The following RBFOX1 variants were observed in gnomAD, a reference collection of about 807,000 sequenced individuals.
RBFOX1 encodes the protein RNA binding fox-1 homolog 1.
A neutral mutation model predicts 57.7 loss-of-function variants in RBFOX1; 8 were observed. The ratio of observed to expected loss-of-function variants is 0.14; its 90% CI spans 0.08 to 0.25. The LOEUF (loss-of-function observed/expected upper bound fraction) is 0.25, where lower values mean the gene tolerates loss of function less well. RBFOX1 is among the 10% of genes least tolerant of loss of function. RBFOX1 has a pLI of 1.00. For synonymous variants in RBFOX1, 326 were observed against 222.4 expected (o/e 1.47, Z -4.15); for missense variants, 611 against 548.5 (o/e 1.11, Z -1.14).
chr16:6,187,183 C>CA (rs2152802937), intron 1 of RBFOX1, among the ~76,000 whole-genome samples: 1 of 152,158 alleles, frequency 6.6e-6, no homozygotes, highest in East Asian at 1.9e-4. Flanking sequence ...CTGATGCTTT[C>CA]ATGGGGGAAA....
At chr16:7,698,513 C>G (rs183316777) in intron 14 of RBFOX1, among the ~76,000 whole-genome samples, 2 of 152,010 alleles carry the variant, frequency 1.3e-5, no homozygotes, top group African/African-American at 2.4e-5. Flanking sequence ...TTTCATTTTT[C>G]TATCCCCACT....
intron 3 of RBFOX1, among the ~76,000 whole-genome samples, chr16:6,903,281 G>T (rs553401250): frequency 1.3e-5 from 2 of 152,172 alleles, no homozygotes; most frequent in African/African-American, 4.8e-5. Flanking sequence ...ATATGGCCAG[G>T]AGGGCTGACC....
chr16:5,704,926 C>G (rs2051187104), intron 3 of RBFOX1, among the ~76,000 whole-genome samples: 1 of 152,076 alleles, frequency 6.6e-6, no homozygotes, highest in Non-Finnish European at 1.5e-5. Context: ...CTCCTTCAAC[C>G]AAAAAGTCAT....
rs537942818 is a variant in RBFOX1, at chr16:7,151,037, G to A, written c.27+98939G>A. Among the ~76,000 whole-genome samples, 249 of 152,212 alleles carry A rather than the reference G, an allele frequency of 1.6e-3. 1 individual carries two copies. The highest frequency in any genetic ancestry group is 5.7e-3 in the African/African-American group (238 of 41,548). On this transcript the variant is annotated intron_variant, in intron 4 of 15. Coordinates refer to ENST00000550418, the MANE Select transcript of RBFOX1 (RefSeq NM_018723.4). The stretch of plus-strand genomic sequence containing the variant: ...CGCTCCTTTCCAAAATTATTTTTGT[G>A]GTAGCACAGAAGTTCTCTCCCTCAA...
At chr16:5,246,180 T>G (rs2062294923) in intron 1 of RBFOX1, among the ~76,000 whole-genome samples, 1 of 152,162 alleles carries the variant, frequency 6.6e-6, no homozygotes, top group Non-Finnish European at 1.5e-5. Context: ...AGACAGAGGT[T>G]GCAGTCAGCC....
chr16:5,710,863 C>G (rs774540985), intron 3 of RBFOX1, among the ~76,000 whole-genome samples: 2 of 152,106 alleles, frequency 1.3e-5, no homozygotes, highest in Non-Finnish European at 2.9e-5. Flanking sequence ...CCTGGGGGAG[C>G]CAGAAAGGGA....
In RBFOX1 at chr16:6,930,653, G is replaced by A. The variant is rs13336027; in HGVS notation, c.-15-121404G>A. ...TTGAGCTCCTCACCTTAGGTGATCC[G>A]CCTGCCTTGGCCTCCCAAGTTGCTG... On this transcript the variant is annotated intron_variant, in intron 3 of 15. Transcript: ENST00000550418. Among the ~76,000 whole-genome samples the A allele has an allele frequency of 2.8e-4, 43 of 151,948 alleles. No homozygotes were observed. In the South Asian group the frequency reaches 3.3e-3, roughly 12 times the overall value.
At chr16:7,061,930 G>T (rs573188428) in intron 4 of RBFOX1, among the ~76,000 whole-genome samples, 1 of 152,064 alleles carries the variant, frequency 6.6e-6, no homozygotes, top group Admixed American at 6.6e-5. Context: ...CCTCCAGTTG[G>T]GGGTAGGAAG....
chr16:5,585,221 G>A (rs1261336858), intron 2 of RBFOX1, among the ~76,000 whole-genome samples: 2 of 152,098 alleles, frequency 1.3e-5, no homozygotes, highest in African/African-American at 4.8e-5. Context: ...GTCTCTACAG[G>A]ATTGCGTTTT....
intron 1 of RBFOX1, among the ~76,000 whole-genome samples, chr16:6,026,207 A>T (rs2095190811): frequency 6.6e-6 from 1 of 152,318 alleles, no homozygotes; most frequent in Middle Eastern, 3.4e-3. Flanking sequence ...ACTCCACTCC[A>T]TGGTCAACTG....
chr16:6,584,579 G>A (rs1460131392), intron 2 of RBFOX1, among the ~76,000 whole-genome samples: 1 of 151,896 alleles, frequency 6.6e-6, no homozygotes, highest in Non-Finnish European at 1.5e-5. Flanking sequence ...ATGTTGACCA[G>A]GCTGGTCTCA....
chr16:7,400,561 C>G (rs1310371774), intron 4 of RBFOX1, among the ~76,000 whole-genome samples: 1 of 152,134 alleles, frequency 6.6e-6, no homozygotes, highest in Non-Finnish European at 1.5e-5. Context: ...TTCAAGAACA[C>G]AGTTTGTATT....
At chr16:6,949,281 C>T (rs1014316404) in intron 3 of RBFOX1, among the ~76,000 whole-genome samples, 2 of 152,100 alleles carry the variant, frequency 1.3e-5, no homozygotes, top group Non-Finnish European at 2.9e-5. Context: ...CAAAACAAAC[C>T]CATAAAGGGA....
At chr16:7,661,251 T>C (rs1209976095) in intron 12 of RBFOX1, among the ~76,000 whole-genome samples, 2 of 152,342 alleles carry the variant, frequency 1.3e-5, no homozygotes, top group South Asian at 2.1e-4. Flanking sequence ...CTCCAATACA[T>C]GTGCACTTTG....
Position 7,667,686 on chromosome 16 carries a change from A to G in RBFOX1, c.930+2718A>G, listed in dbSNP as rs377482240. On this transcript the variant is annotated intron_variant, in intron 13 of 15. Coordinates refer to ENST00000550418, the MANE Select transcript of RBFOX1 (RefSeq NM_018723.4). ...GAATAGATTTAAACCTCTTTTTGTT[A>G]TTATTATATTTTTTGAGACAGACTC... 1.8e-4 allele frequency among the ~76,000 whole-genome samples: 27 copies of G among 148,914 alleles called. 1 individual carries two copies. In the South Asian group the frequency reaches 3.9e-3, roughly 21 times the overall value.
chr16:5,360,722 T>G (rs1254157298), intron 1 of RBFOX1, among the ~76,000 whole-genome samples: 2 of 152,212 alleles, frequency 1.3e-5, no homozygotes, highest in African/African-American at 4.8e-5. Context: ...AAGGAAAGGC[T>G]AGAGATCTCG....
chr16:7,054,476 C>T (rs1022456488), intron 4 of RBFOX1, among the ~76,000 whole-genome samples: 81 of 148,358 alleles, frequency 5.5e-4, no homozygotes, highest in African/African-American at 1.7e-3. Flanking sequence ...CTCCTGACCT[C>T]GTGATCCGCC....
intron 3 of RBFOX1, among the ~76,000 whole-genome samples, chr16:7,048,600 G>A (rs925639172): frequency 6.6e-6 from 1 of 152,130 alleles, no homozygotes; most frequent in South Asian, 2.1e-4. Flanking sequence ...TGCTAATGCT[G>A]TCAATTTTTT....
intron 3 of RBFOX1, among the ~76,000 whole-genome samples, chr16:6,809,211 T>C (rs1462034459): frequency 1.3e-5 from 2 of 152,242 alleles, no homozygotes; most frequent in Non-Finnish European, 2.9e-5. Flanking sequence ...CCACCTTGGC[T>C]ACGCTGGAGT....
Sources: allele counts gnomAD v4.1 joint callset (sites outside exome capture counted in the v4.1 genomes callset), GRCh38; gene constraint gnomAD v4.1.1; transcripts MANE v1.5; gene names NCBI Gene and HGNC (gene_info 2026-07-23, HGNC 2026-07-21).